ASRGL1: variants seen among roughly 807,000 people sequenced by gnomAD.
ASRGL1 encodes isoaspartyl peptidase/L-asparaginase.
A neutral mutation model predicts 22.4 loss-of-function variants in ASRGL1; 16 were observed. That is an observed-to-expected ratio of 0.71 (90% CI 0.48 to 1.08). ASRGL1 has a LOEUF of 1.08. ASRGL1 is among the 50% of genes least tolerant of loss of function. The pLI is 0.00. For synonymous variants in ASRGL1, 165 were observed against 159.3 expected (o/e 1.04, Z -0.27); for missense variants, 412 against 410.1 (o/e 1.00, Z -0.04).
At chr11:62,362,684 A>ATATAAAATATAT (rs1946497756) in intron 4 of ASRGL1, among the ~76,000 whole-genome samples, 1 of 82,412 alleles carries the variant, frequency 1.2e-5, no homozygotes, top group Non-Finnish European at 2.2e-5. Context: ...ATATTATATA[A>ATATAAAATATAT]AATATATATT....
intron 4 of ASRGL1, among the ~76,000 whole-genome samples, chr11:62,377,467 T>G (rs769339951): frequency 9.9e-5 from 15 of 152,178 alleles, no homozygotes; most frequent in Non-Finnish European, 2.2e-4. Flanking sequence ...TTGAGCCGAT[T>G]GATAATGAGT....
intron 2 of ASRGL1, among the ~76,000 whole-genome samples, chr11:62,340,100 A>C (rs181097245): frequency 6.8e-6 from 1 of 147,740 alleles, no homozygotes; most frequent in Non-Finnish European, 1.5e-5. Flanking sequence ...CATCTCTACA[A>C]AAAAAAAAAA....
intron 4 of ASRGL1, among the ~76,000 whole-genome samples, chr11:62,365,214 A>G (rs1475910641): frequency 6.6e-6 from 1 of 152,210 alleles, no homozygotes; most frequent in East Asian, 1.9e-4. Flanking sequence ...GAAGTATAAT[A>G]TTAGGACTAT....
intron 4 of ASRGL1, among the ~76,000 whole-genome samples, chr11:62,362,065 G>C (rs1590726280): frequency 6.6e-6 from 1 of 152,224 alleles, no homozygotes; most frequent in Non-Finnish European, 1.5e-5. Flanking sequence ...CAAGAAGCTT[G>C]GCTAAGAATC....
chr11:62,360,589 T>C (rs1946409218), intron 4 of ASRGL1, among the ~76,000 whole-genome samples: 1 of 152,108 alleles, frequency 6.6e-6, no homozygotes, highest in African/African-American at 2.4e-5. Flanking sequence ...AAGCAAGCAG[T>C]CTTCTTCCAG....
At chr11:62,371,364 CAAGGTGGGCGG>C in intron 4 of ASRGL1, 1 of 803,662 alleles carries the variant, frequency 1.2e-6, no homozygotes, top group Non-Finnish European at 1.9e-6. Flanking sequence ...TGGCAGCAGG[CAAGGTGGGCGG>C]TGCGGCTGTG....
At chr11:62,386,610 G>C (rs2134695552) in intron 4 of ASRGL1, among the ~76,000 whole-genome samples, 1 of 152,304 alleles carries the variant, frequency 6.6e-6, no homozygotes, top group South Asian at 2.1e-4. Flanking sequence ...GGGGACTACT[G>C]TTTTACACCT....
intron 2 of ASRGL1, among the ~76,000 whole-genome samples, chr11:62,341,985 C>A (rs1020709447): frequency 6.6e-6 from 1 of 152,124 alleles, no homozygotes; most frequent in Non-Finnish European, 1.5e-5. Context: ...TTAGTAAGGC[C>A]GTTTTTATTT....
At chr11:62,363,368 C>G (rs1195501190) in intron 4 of ASRGL1, among the ~76,000 whole-genome samples, 1 of 151,996 alleles carries the variant, frequency 6.6e-6, no homozygotes, top group Non-Finnish European at 1.5e-5. Flanking sequence ...GAAGAAAATT[C>G]ATAGAGAGAT....
intron 4 of ASRGL1, among the ~76,000 whole-genome samples, chr11:62,364,485 A>G (rs970493023): frequency 1.3e-5 from 2 of 152,140 alleles, no homozygotes; most frequent in African/African-American, 2.4e-5. Flanking sequence ...CAGCAATCCC[A>G]CTTCTAGGCA....
At chr11:62,397,694 A>T (rs1346488303), downstream of ASRGL1, among the ~76,000 whole-genome samples, 1 of 151,278 alleles carries the variant, frequency 6.6e-6, no homozygotes, top group Non-Finnish European at 1.5e-5. Context: ...CACGGGAAAA[A>T]TTTCCTATCA....
At chr11:62,358,371 G>A (rs1013517664) in intron 4 of ASRGL1, among the ~76,000 whole-genome samples, 91 of 111,778 alleles carry the variant, frequency 8.1e-4, no homozygotes, top group African/African-American at 1.2e-3. Flanking sequence ...CTCCGTCTCA[G>A]AAAAAAAAAA....
At position 62,337,880 on chromosome 11, in the gene ASRGL1, G is replaced by GTCCCCACAGGGTC; in HGVS notation, c.-88-5_-81dup. On this transcript the variant is annotated splice_polypyrimidine_tract_variant and intron_variant, in intron 1 of 6. Coordinates refer to ENST00000415229, the MANE Select transcript of ASRGL1 (RefSeq NM_001083926.2). ...CCGTTCAGAACAGAGACTGGGCATT[G>GTCCCCACAGGGTC]TCCCCACAGGGTCTCCCGAGGACCT... is the stretch of plus-strand genomic sequence containing the variant. The GTCCCCACAGGGTC allele has an allele frequency of 7.6e-7, 1 of 1,320,748 alleles. No individual in the cohort carries two copies. The highest frequency in any genetic ancestry group is 1.0e-6 in the Non-Finnish European group (1 of 970,240). 81.8% of individuals were successfully genotyped at this position (1,320,748 alleles called of 1,614,324 possible).
At chr11:62,389,411 T>C in intron 5 of ASRGL1, 160 bp downstream of exon 5, 4 of 753,658 alleles carry the variant, frequency 5.3e-6, no homozygotes, top group Non-Finnish European at 4.6e-6. Flanking sequence ...TGGAAGGGGT[T>C]GTTCGGGGTG....
chr11:62,394,927 TCAAA>T (rs1288689727), downstream of ASRGL1, among the ~76,000 whole-genome samples: 4 of 152,136 alleles, frequency 2.6e-5, no homozygotes, highest in Admixed American at 6.5e-5. Context: ...TGGCTCACTG[TCAAA>T]CAGAGAAATG....
intron 4 of ASRGL1, among the ~76,000 whole-genome samples, chr11:62,369,772 C>T (rs990005490): frequency 2.6e-5 from 4 of 152,040 alleles, no homozygotes; most frequent in East Asian, 1.9e-4. Context: ...CTGTGGGTGG[C>T]GTCTAACCAT....
At chr11:62,348,847 C>T (rs575140198) in intron 2 of ASRGL1, among the ~76,000 whole-genome samples, 10 of 152,278 alleles carry the variant, frequency 6.6e-5, no homozygotes, top group Middle Eastern at 3.4e-3. Flanking sequence ...GAAAAGATAT[C>T]GCAAAAGGCC....
chr11:62,353,884 G>A (rs1285991790), intron 2 of ASRGL1, among the ~76,000 whole-genome samples: 1 of 152,152 alleles, frequency 6.6e-6, no homozygotes, highest in African/African-American at 2.4e-5. Context: ...CCTTGTTATT[G>A]CCAGATGGAA....
chr11:62,396,589 G>T (rs930544766), downstream of ASRGL1, among the ~76,000 whole-genome samples: 2 of 152,154 alleles, frequency 1.3e-5, no homozygotes, highest in African/African-American at 4.8e-5. Context: ...GCTGCTCCTA[G>T]ATCTAGAGGC....
Sources: allele counts gnomAD v4.1 joint callset (sites outside exome capture counted in the v4.1 genomes callset), GRCh38; gene constraint gnomAD v4.1.1; transcripts MANE v1.5; gene names NCBI Gene and HGNC (gene_info 2026-07-23, HGNC 2026-07-21).